Variants in PPP1CA observed in about 807,000 individuals in gnomAD.
PPP1CA encodes the protein serine/threonine-protein phosphatase PP1-alpha catalytic subunit.
Under a neutral mutation model 38.5 loss-of-function variants are expected in PPP1CA, and 14 were observed. The ratio of observed to expected loss-of-function variants is 0.36; its 90% CI spans 0.24 to 0.57. The LOEUF (loss-of-function observed/expected upper bound fraction) is 0.57. PPP1CA is among the 20% of genes least tolerant of loss of function. PPP1CA has a pLI of 0.80. For missense variants in PPP1CA, 277 were observed against 435.2 expected, an observed-to-expected ratio of 0.64 and a Z score of 3.23; for synonymous variants, 200 against 177.3, an observed-to-expected ratio of 1.13 and a Z score of -1.02.
Position 67,398,461 on chromosome 11 carries a change from AC to A in PPP1CA, c.*73del, listed in dbSNP as rs5031044. Reference sequence around the variant, plus strand: ...CAGGTGGGCCTGAGGGGTCGGGGTGACCCCCCCCCAGCATGGCAGCATGATT... The same window carrying A: ...CAGGTGGGCCTGAGGGGTCGGGGTGACCCCCCCCAGCATGGCAGCATGATT... On this transcript the variant is annotated 3_prime_UTR_variant, in exon 7 of 7. Transcript: ENST00000376745. 11,755 of 1,343,588 alleles carry A rather than the reference AC, an allele frequency of 8.7e-3. 30 individuals are homozygous for A. Among genetic ancestry groups the A allele is most frequent in the Non-Finnish European group, 1.0e-2 (9,738 of 974,308 alleles). The allele number at this position is 1,343,588 out of a possible 1,614,324, so 83.2% of individuals were successfully genotyped here.
At chr11:67,401,627 G>T in intron 1 of PPP1CA, 101 bp downstream of exon 1, 1 of 1,072,532 alleles carries the variant, frequency 9.3e-7, no homozygotes, top group Non-Finnish European at 1.2e-6. Flanking sequence ...GCCCGTCCCC[G>T]CCCAGTCTAA....
chr11:67,399,134 GCTCCATAGACTGCAGGTC>G lies in PPP1CA; in HGVS notation c.535_552del (p.Asp179_Glu184del), dbSNP rs751077707. On this transcript the variant is annotated inframe_deletion, in exon 5 of 7. Coordinates refer to ENST00000376745, the MANE Select transcript of PPP1CA (RefSeq NM_002708.4). ...GTGGGCCGCATGATCCGCCGAATCT[GCTCCATAGACTGCAGGTC>G]CGGGGACAGGCCTGGGGGGCCGGGG... 1 of 1,613,352 alleles carries G rather than the reference GCTCCATAGACTGCAGGTC, an allele frequency of 6.2e-7. No homozygotes were observed. The highest frequency in any genetic ancestry group is 8.5e-7 in the Non-Finnish European group (1 of 1,180,012).
intron 1 of PPP1CA, 168 bp from the exon 2 acceptor site, chr11:67,401,367 G>T: frequency 8.4e-7 from 1 of 1,188,982 alleles, no homozygotes; most frequent in Non-Finnish European, 1.2e-6. Flanking sequence ...AAGCCTCCCA[G>T]GGGAAGCCCC....
rs774846771 is a variant in PPP1CA at position 67,401,716 on chromosome 11, G to A, written c.55+12C>T. 3 of 1,425,926 alleles carry A rather than the reference G, an allele frequency of 2.1e-6. No individual in the cohort carries two copies. The highest frequency in any genetic ancestry group is 2.2e-5 in the Admixed American group (1 of 45,292). 88.3% of individuals were successfully genotyped at this position (1,425,926 alleles called of 1,614,324 possible). On this transcript the variant is annotated intron_variant, in intron 1 of 6. Coordinates refer to ENST00000376745, the MANE Select transcript of PPP1CA (RefSeq NM_002708.4). ...GGCGCGGCGGACGCGGGCCTCCCCC[G>A]CCCCGACCAACCTTCCAGCAGGCGC...
At chr11:67,401,417 A>AG in intron 1 of PPP1CA, 1 of 770,558 alleles carries the variant, frequency 1.3e-6, no homozygotes, top group Non-Finnish European at 2.0e-6. Flanking sequence ...TGTCGTGCGC[A>AG]GGGGGCTGCC....
In PPP1CA at chr11:67,399,047, G is replaced by C; in HGVS notation, c.640C>G (p.Gln214Glu). 6.2e-7 allele frequency: 1 copy of C among 1,613,608 alleles called. No individual in the cohort carries two copies. Among genetic ancestry groups the C allele is most frequent in the Non-Finnish European group, 8.5e-7 (1 of 1,180,026 alleles). The stretch of plus-strand genomic sequence containing the variant: ...CCACGGTCGTTCTCGCCCCAGCCCT[G>C]CACGTCCTTGTCAGGGTCAGACCAC... ...LLWSDPDKDV[Q>E]GWGENDRGVS... The change falls in exon 5 of 7, where the codon CAG (glutamine) becomes GAG (glutamate). Residue 214 changes from glutamine (Q) to glutamate (E), a missense_variant. Transcript: ENST00000376745.
chr11:67,399,320 T>C (rs1378295300), intron 4 of PPP1CA, among the ~76,000 whole-genome samples, 157 bp from the exon 5 acceptor site: 1 of 152,150 alleles, frequency 6.6e-6, no homozygotes, highest in Non-Finnish European at 1.5e-5. Flanking sequence ...CCCTCAGCTT[T>C]TTCAAGTTCC....
chr11:67,399,282 G>C, intron 4 of PPP1CA, 119 bp from the exon 5 acceptor site: 1 of 950,520 alleles, frequency 1.1e-6, no homozygotes, highest in South Asian at 1.6e-5. Context: ...TCTCCTGGGC[G>C]CCTAGACAGG....
Position 67,399,136 on chromosome 11 carries a change from T to G in PPP1CA, c.551A>C (p.Glu184Ala). 1 of 1,613,352 alleles carries G rather than the reference T, an allele frequency of 6.2e-7. No individual in the cohort carries two copies. The highest frequency in any genetic ancestry group is 8.5e-7 in the Non-Finnish European group (1 of 1,179,976). The change falls in exon 5 of 7, where the codon GAG (glutamate) becomes GCG (alanine). Residue 184 changes from glutamate (E) to alanine (A), a missense_variant. Physicochemically the swap from Glu to Ala is moderately radical, Grantham distance 107. Around this residue, in one of 3 missense-constraint regions of PPP1CA, gnomAD observed 180 missense variants for 356.7 expected, o/e 0.50. Transcript: ENST00000376745. Reference sequence around the variant, plus strand: ...GGGCCGCATGATCCGCCGAATCTGCTCCATAGACTGCAGGTCCGGGGACAG... The same window carrying G: ...GGGCCGCATGATCCGCCGAATCTGCGCCATAGACTGCAGGTCCGGGGACAG... ...GGLSPDLQSMEQIRRIMRPTD... is the reference protein window; with the variant it reads ...GGLSPDLQSMAQIRRIMRPTD...
chr11:67,401,717 C>A lies in PPP1CA; in HGVS notation c.55+11G>T. ...GCGCGGCGGACGCGGGCCTCCCCCG[C>A]CCCGACCAACCTTCCAGCAGGCGCC... On this transcript the variant is annotated intron_variant, in intron 1 of 6. Transcript: ENST00000376745. 4 of 1,458,450 alleles carry A rather than the reference C, an allele frequency of 2.7e-6. No homozygotes were observed. The highest frequency in any genetic ancestry group is 2.7e-5 in the South Asian group (2 of 73,652). The allele number at this position is 1,458,450 out of a possible 1,614,324, so 90.3% of individuals were successfully genotyped here. A position where few individuals can be genotyped will look rare whatever the true frequency, so the allele number is the denominator to read the frequency against.
At chr11:67,399,856 C>A (rs1862841457) in intron 3 of PPP1CA, among the ~76,000 whole-genome samples, 191 bp from the exon 4 acceptor site, 1 of 152,150 alleles carries the variant, frequency 6.6e-6, no homozygotes, top group Admixed American at 6.5e-5. Context: ...CAGGATCTGG[C>A]CAGGCGCAGT....
rs1488111780 is a variant in PPP1CA, at chr11:67,400,723, G to C, written c.384C>G (p.Ala128=). 6.2e-7 allele frequency: 1 copy of C among 1,613,956 alleles called. No individual in the cohort carries two copies. The highest frequency in any genetic ancestry group is 1.3e-5 in the African/African-American group (1 of 75,042). The change falls in exon 3 of 7, where the codon GCC becomes GCG. Residue 128 remains alanine (A), a synonymous_variant. Transcript: ENST00000376745. ...AGAAACCATAGATGCGGTTGATGCT[G>C]GCACACTCGTGGTTCCCACGGAGCA... The part of the protein sequence containing the change: ...FFLLRGNHEC[A]SINRIYGFYD...
intron 3 of PPP1CA, 40 bp from the exon 4 acceptor site, chr11:67,399,705 C>G (rs1305332211): frequency 3.9e-6 from 6 of 1,529,812 alleles, no homozygotes; most frequent in South Asian, 1.2e-5. Flanking sequence ...CTGCCTACCC[C>G]ACCCTCAGCC....
rs1862777786 is a variant in PPP1CA, at chr11:67,398,204, A to G, written c.*331T>C. On this transcript the variant is annotated 3_prime_UTR_variant, in exon 7 of 7. Coordinates refer to ENST00000376745, the MANE Select transcript of PPP1CA (RefSeq NM_002708.4). ...TGGCGAGAATCCAGCTTTGACCTTT[A>G]TTCAAGAGACCAGATGGGTTGCCCC... The G allele has an allele frequency of 2.8e-6, 1 of 361,384 alleles. No individual in the cohort carries two copies. Among genetic ancestry groups the G allele is most frequent in the Non-Finnish European group, 5.1e-6 (1 of 196,506 alleles). 22.4% of individuals were successfully genotyped at this position (361,384 alleles called of 1,614,324 possible).
At chr11:67,400,594 G>A in intron 3 of PPP1CA, 95 bp downstream of exon 3, 3 of 1,232,824 alleles carry the variant, frequency 2.4e-6, no homozygotes, top group South Asian at 2.5e-5. Context: ...AGTCTATCAA[G>A]TGTCTGTCAG....
rs371041445 is a variant in PPP1CA at position 67,398,708 on chromosome 11, T to C, written c.882+14A>G. ...GCCACAGGGCCTAGCGGCTCCTTTC[T>C]TCCCCACACTCACCTGGAAAGAGCA... On this transcript the variant is annotated intron_variant, in intron 6 of 6. Coordinates refer to ENST00000376745, the MANE Select transcript of PPP1CA (RefSeq NM_002708.4). 5.1e-5 allele frequency: 82 copies of C among 1,613,220 alleles called. No individual in the cohort carries two copies. The highest frequency in any genetic ancestry group is 3.3e-4 in the Middle Eastern group (2 of 6,058).
Position 67,399,263 on chromosome 11 carries a change from C to T in PPP1CA, c.524-100G>A, listed in dbSNP as rs575095527. On this transcript the variant is annotated intron_variant, in intron 4 of 6. Coordinates refer to ENST00000376745, the MANE Select transcript of PPP1CA (RefSeq NM_002708.4). ...ACCTTTCCCACCACCCTCCTGGTCC[C>T]GCCACTGGTCTCCTGGGCGCCTAGA... The T allele has an allele frequency of 7.5e-4, 824 of 1,100,710 alleles. 1 individual carries two copies. The highest frequency in any genetic ancestry group is 9.9e-4 in the Non-Finnish European group (750 of 755,206). The allele number at this position is 1,100,710 out of a possible 1,614,324, so 68.2% of individuals were successfully genotyped here.
At chr11:67,399,411 A>C in intron 4 of PPP1CA, 150 bp downstream of exon 4, 2 of 743,242 alleles carry the variant, frequency 2.7e-6, no homozygotes, top group Non-Finnish European at 4.5e-6. Flanking sequence ...CATGTAGGAC[A>C]CACATCAAGG....
intron 3 of PPP1CA, 143 bp from the exon 4 acceptor site, chr11:67,399,808 G>A (rs554257004): frequency 1.6e-4 from 105 of 654,224 alleles, no homozygotes; most frequent in African/African-American, 1.5e-3. Context: ...AGCCTTCCAG[G>A]AGCAATTCTA....
Sources: gnomAD v4.1 joint callset for allele counts (sites outside exome capture counted in the v4.1 genomes callset) on GRCh38, gnomAD v4.1.1 for gene constraint, gnomAD v4.1.1 regional missense constraint, MANE v1.5 for transcripts, NCBI Gene and HGNC (gene_info 2026-07-23, HGNC 2026-07-21) for gene names.